The following ELOVL7 variants were observed in gnomAD, a reference collection of about 807,000 sequenced individuals.
ELOVL7 encodes the protein ELOVL fatty acid elongase 7.
A neutral mutation model predicts 35.7 loss-of-function variants in ELOVL7; 27 were observed. The observed-to-expected ratio is 0.76, with a 90% CI of 0.56 to 1.04. ELOVL7 has a LOEUF of 1.04. Among genes scored for constraint, ELOVL7 ranks in the 50% least tolerant of loss-of-function variants. The pLI is 0.00. For missense variants in ELOVL7, 327 were observed against 340.8 expected (o/e 0.96, Z 0.32); for synonymous variants, 113 against 114.6 (o/e 0.99, Z 0.09).
intron 2 of ELOVL7, among the ~76,000 whole-genome samples, chr5:60,789,599 A>G (rs1314957859): frequency 6.6e-6 from 1 of 152,202 alleles, no homozygotes; most frequent in Non-Finnish European, 1.5e-5. Flanking sequence ...TTAACACAGC[A>G]TTTCTACTTC....
chr5:60,810,392 G>A (rs1745174886), intron 1 of ELOVL7, among the ~76,000 whole-genome samples: 1 of 152,068 alleles, frequency 6.6e-6, no homozygotes, highest in Non-Finnish European at 1.5e-5. Flanking sequence ...TTTATTAAAG[G>A]CTTTTCATGT....
At chr5:60,754,935 T>G (rs540506541) in intron 8 of ELOVL7, 102 bp from the exon 9 acceptor site, 1 of 922,380 alleles carries the variant, frequency 1.1e-6, no homozygotes, top group Admixed American at 2.5e-5. Flanking sequence ...GAGTGCACTA[T>G]TGGGCAAAGA....
chr5:60,764,224 T>C lies in ELOVL7; in HGVS notation c.499+3A>G. On this transcript the variant is annotated splice_donor_region_variant and intron_variant, in intron 7 of 8. Transcript: ENST00000508821. ...CACATGATCCCAAATTTCCCTTGTC[T>C]ACCTGCAGCAAATTTGACTCCAAAC... 2 of 1,603,836 alleles carry C rather than the reference T, an allele frequency of 1.2e-6. No homozygotes were observed. Among genetic ancestry groups the C allele is most frequent in the Non-Finnish European group, 1.7e-6 (2 of 1,171,376 alleles).
At chr5:60,765,257 C>T (rs1228402904) in intron 6 of ELOVL7, among the ~76,000 whole-genome samples, 1 of 152,198 alleles carries the variant, frequency 6.6e-6, no homozygotes, top group Non-Finnish European at 1.5e-5. Context: ...AAGCCATACA[C>T]TAACACTCTG....
chr5:60,762,081 T>C (rs1584154547), intron 7 of ELOVL7, among the ~76,000 whole-genome samples: 1 of 152,010 alleles, frequency 6.6e-6, no homozygotes, highest in African/African-American at 2.4e-5. Context: ...ATGGAACATA[T>C]GAGAGAGAAG....
chr5:60,784,193 G>A, intron 3 of ELOVL7: 2 of 1,422,268 alleles, frequency 1.4e-6, no homozygotes, highest in Non-Finnish European at 1.9e-6. Flanking sequence ...AAGATTCCAA[G>A]TACTAATGAA....
Position 60,751,801 on chromosome 5 carries a change from A to G in ELOVL7, c.*2823T>C, listed in dbSNP as rs1741299101. The G allele has an allele frequency of 6.6e-6, 1 of 152,348 alleles. No homozygotes were observed. Among genetic ancestry groups the G allele is most frequent in the African/African-American group, 2.4e-5 (1 of 41,586 alleles). 9.4% of individuals were successfully genotyped at this position (152,348 alleles called of 1,614,324 possible). A position where few individuals can be genotyped will look rare whatever the true frequency, so the allele number is the denominator to read the frequency against. On this transcript the variant is annotated 3_prime_UTR_variant, in exon 9 of 9. Coordinates refer to ENST00000508821, the MANE Select transcript of ELOVL7 (RefSeq NM_024930.3). ...AAATATACACACGTATACATGCAAT[A>G]CCACAAATTTATTATAATACACAGG...
chr5:60,808,516 T>C (rs1348171141), intron 1 of ELOVL7, among the ~76,000 whole-genome samples: 1 of 152,228 alleles, frequency 6.6e-6, no homozygotes, highest in Non-Finnish European at 1.5e-5. Context: ...GTTCATGGTT[T>C]GGAAAACTTA....
intron 4 of ELOVL7, 65 bp from the exon 5 acceptor site, chr5:60,767,968 T>C: frequency 8.0e-7 from 1 of 1,252,838 alleles, no homozygotes; most frequent in Non-Finnish European, 1.2e-6. Flanking sequence ...ACAAAGGTAG[T>C]TTTGATAGTG....
chr5:60,774,764 C>CTTTTT (rs1441731287), intron 3 of ELOVL7, among the ~76,000 whole-genome samples: 2 of 136,728 alleles, frequency 1.5e-5, no homozygotes, highest in Non-Finnish European at 3.2e-5. Flanking sequence ...ATAAAACTCT[C>CTTTTT]TTTTTTTTTT....
chr5:60,807,298 T>C (rs1288256157), intron 1 of ELOVL7, among the ~76,000 whole-genome samples: 2 of 152,188 alleles, frequency 1.3e-5, no homozygotes, highest in Non-Finnish European at 2.9e-5. Context: ...AATCTTGCTA[T>C]GAATATTGAA....
At chr5:60,797,507 C>A (rs1445042613) in intron 2 of ELOVL7, among the ~76,000 whole-genome samples, 2 of 152,204 alleles carry the variant, frequency 1.3e-5, no homozygotes, top group Non-Finnish European at 2.9e-5. Context: ...ACAAGAGGTG[C>A]CCATGCCTCC....
At chr5:60,819,675 A>C (rs1341135221) in intron 1 of ELOVL7, among the ~76,000 whole-genome samples, 1 of 152,112 alleles carries the variant, frequency 6.6e-6, no homozygotes, top group Non-Finnish European at 1.5e-5. Context: ...AATCCTGCCT[A>C]CTCAGGAGGC....
At chr5:60,772,918 A>G (rs1014723443) in intron 3 of ELOVL7, among the ~76,000 whole-genome samples, 7 of 152,226 alleles carry the variant, frequency 4.6e-5, no homozygotes, top group African/African-American at 1.4e-4. Context: ...GCACACTTCC[A>G]CATATACTGT....
intron 3 of ELOVL7, among the ~76,000 whole-genome samples, chr5:60,783,822 T>C (rs966222557): frequency 8.5e-5 from 13 of 152,246 alleles, no homozygotes; most frequent in East Asian, 3.9e-4. Flanking sequence ...ATTACATAAG[T>C]TGAAAAAGTT....
At chr5:60,800,030 C>CAAAAAAAAAAAAAAAAAAA (rs58041305) in intron 1 of ELOVL7, among the ~76,000 whole-genome samples, 1 of 86,206 alleles carries the variant, frequency 1.2e-5, no homozygotes. Flanking sequence ...AACTCCATCT[C>CAAAAAAAAAAAAAAAAAAA]AAAAAAAAAA....
At chr5:60,780,114 CTTTTTTTTTTTTTT>C (rs59345433) in intron 3 of ELOVL7, among the ~76,000 whole-genome samples, 1 of 124,356 alleles carries the variant, frequency 8.0e-6, no homozygotes, top group African/African-American at 3.4e-5. Flanking sequence ...CAAACTTTCC[CTTTTTTTTTTTTTT>C]TTTTTTTTTA....
At chr5:60,797,190 G>A (rs11738298) in intron 2 of ELOVL7, among the ~76,000 whole-genome samples, 5,681 of 152,140 alleles carry the variant, frequency 0.037, 185 homozygotes, top group East Asian at 0.18. Context: ...TAACACATAC[G>A]CATGTGTGTA....
chr5:60,824,103 T>G (rs1350029763), intron 1 of ELOVL7, among the ~76,000 whole-genome samples: 1 of 152,228 alleles, frequency 6.6e-6, no homozygotes, highest in Non-Finnish European at 1.5e-5. Flanking sequence ...TACCTGGGTA[T>G]CCGTGCAGAG....
Sources: gnomAD v4.1 joint callset for allele counts (sites outside exome capture counted in the v4.1 genomes callset) on GRCh38, gnomAD v4.1.1 for gene constraint, MANE v1.5 for transcripts, NCBI Gene and HGNC (gene_info 2026-07-23, HGNC 2026-07-21) for gene names.